LIN28B: variants seen among roughly 807,000 people sequenced by gnomAD.
LIN28B encodes the protein protein lin-28 homolog B.
Under a neutral mutation model 21.9 loss-of-function variants are expected in LIN28B, and 5 were observed. The observed-to-expected ratio is 0.23, with a 90% CI of 0.12 to 0.48. The LOEUF (loss-of-function observed/expected upper bound fraction) is 0.48. LIN28B is among the 20% of genes least tolerant of loss of function. The pLI, the probability that LIN28B is intolerant of heterozygous loss-of-function variation, is 0.98. For missense variants in LIN28B, 245 were observed against 310.5 expected, an observed-to-expected ratio of 0.79 and a Z score of 1.58; for synonymous variants, 109 against 111.3, an observed-to-expected ratio of 0.98 and a Z score of 0.13.
At chr6:104,966,336 G>T (rs907682905) in intron 2 of LIN28B, among the ~76,000 whole-genome samples, 3 of 152,056 alleles carry the variant, frequency 2.0e-5, no homozygotes, top group African/African-American at 7.2e-5. Flanking sequence ...GAGGGTTATG[G>T]TAAGGGTCAA....
chr6:105,051,534 ATT>A (rs916422055), intron 3 of LIN28B, among the ~76,000 whole-genome samples: 1 of 146,882 alleles, frequency 6.8e-6, no homozygotes, highest in African/African-American at 2.5e-5. Context: ...TTCTCCAGGG[ATT>A]TTTTTTTTTT....
chr6:105,020,640 T>A (rs902035935), intron 2 of LIN28B, among the ~76,000 whole-genome samples: 1 of 151,720 alleles, frequency 6.6e-6, no homozygotes, highest in African/African-American at 2.4e-5. Flanking sequence ...ATTTTTATAA[T>A]TCTTAAATAA....
At chr6:104,960,549 A>C (rs749551544) in intron 2 of LIN28B, among the ~76,000 whole-genome samples, 2 of 152,082 alleles carry the variant, frequency 1.3e-5, no homozygotes, top group Non-Finnish European at 2.9e-5. Context: ...TGTCTACTCA[A>C]AATTTTTAAA....
At chr6:104,997,990 C>T (rs1349023624) in intron 2 of LIN28B, among the ~76,000 whole-genome samples, 1 of 152,096 alleles carries the variant, frequency 6.6e-6, no homozygotes, top group Non-Finnish European at 1.5e-5. Flanking sequence ...ATTGGAAAAG[C>T]CTTATTGTTG....
At chr6:104,958,949 C>CA (rs202225528) in intron 2 of LIN28B, among the ~76,000 whole-genome samples, 3,573 of 152,154 alleles carry the variant, frequency 0.023, 59 homozygotes, top group Non-Finnish European at 0.033. Context: ...AGACTGAACT[C>CA]AAAAAAACAT....
intron 3 of LIN28B, among the ~76,000 whole-genome samples, chr6:105,029,291 A>G (rs559896438): frequency 1.3e-5 from 2 of 152,324 alleles, no homozygotes; most frequent in East Asian, 1.9e-4. Context: ...GTTCATAGGA[A>G]TGGTCTAGTG....
At chr6:104,993,989 C>G (rs1463690177) in intron 2 of LIN28B, among the ~76,000 whole-genome samples, 1 of 151,968 alleles carries the variant, frequency 6.6e-6, no homozygotes, top group Non-Finnish European at 1.5e-5. Context: ...TTAAACTATA[C>G]CAGTTCTTGA....
At chr6:104,979,645 T>TTTTATACAAATAGGGAAGAC (rs1770179892) in intron 2 of LIN28B, among the ~76,000 whole-genome samples, 1 of 152,202 alleles carries the variant, frequency 6.6e-6, no homozygotes, top group African/African-American at 2.4e-5. Context: ...GCTTAAGACT[T>TTTTATACAAATAGGGAAGAC]TTTATACAAA....
At chr6:104,991,884 G>A (rs931247938) in intron 2 of LIN28B, among the ~76,000 whole-genome samples, 6 of 152,234 alleles carry the variant, frequency 3.9e-5, no homozygotes, top group African/African-American at 7.2e-5. Context: ...GGCGGCGTGC[G>A]CCTGCAATCG....
chr6:104,937,717 C>T (rs1027889320), intron 2 of LIN28B, among the ~76,000 whole-genome samples: 2 of 152,042 alleles, frequency 1.3e-5, no homozygotes, highest in Admixed American at 1.3e-4. Flanking sequence ...AAATAGAGGG[C>T]AAGAGAAATA....
intron 2 of LIN28B, among the ~76,000 whole-genome samples, chr6:104,982,968 TTTTTC>T (rs1247289215): frequency 6.6e-6 from 1 of 152,046 alleles, no homozygotes; most frequent in Non-Finnish European, 1.5e-5. Context: ...CTGGCTAATT[TTTTTC>T]TTTTATTTTT....
intron 3 of LIN28B, among the ~76,000 whole-genome samples, chr6:105,070,838 G>C (rs1338232852): frequency 6.6e-6 from 1 of 152,000 alleles, no homozygotes; most frequent in Non-Finnish European, 1.5e-5. Flanking sequence ...CTCTTTATTT[G>C]TCAATTCACT....
intron 2 of LIN28B, among the ~76,000 whole-genome samples, chr6:105,009,690 T>G (rs1770884285): frequency 6.6e-6 from 1 of 152,310 alleles, no homozygotes; most frequent in Non-Finnish European, 1.5e-5. Flanking sequence ...TGGCTGAAAC[T>G]GCCTTGGAGG....
intron 2 of LIN28B, among the ~76,000 whole-genome samples, chr6:104,979,604 G>A (rs1277598778): frequency 2.0e-5 from 3 of 149,884 alleles, no homozygotes; most frequent in African/African-American, 4.9e-5. Flanking sequence ...AAAAAAAAAA[G>A]CTGTTTCTGA....
At chr6:104,942,989 C>T (rs1015414494) in intron 2 of LIN28B, among the ~76,000 whole-genome samples, 3 of 151,988 alleles carry the variant, frequency 2.0e-5, no homozygotes, top group African/African-American at 7.2e-5. Flanking sequence ...TATGTATGTT[C>T]TCTGCTAGAC....
In LIN28B at chr6:104,945,459, GTTA is replaced by G. The variant is rs1188375481; in HGVS notation, c.19-4996_19-4994del. On this transcript the variant is annotated intron_variant, in intron 2 of 5. Coordinates refer to the LIN28B transcript ENST00000635857. ...AAATGTATGTCAATAAAATTTCCTT[GTTA>G]TTATTGTAATTAAAAGAAGTGTTCA... 2.6e-5 allele frequency among the ~76,000 whole-genome samples: 4 copies of G among 152,004 alleles called. No individual in the cohort carries two copies. In the South Asian group the frequency reaches 8.3e-4, roughly 31 times the overall value.
At chr6:104,993,796 C>G (rs1770543052) in intron 2 of LIN28B, among the ~76,000 whole-genome samples, 1 of 147,110 alleles carries the variant, frequency 6.8e-6, no homozygotes, top group South Asian at 2.1e-4. Flanking sequence ...GATTGAGTCA[C>G]TGCACTTCCA....
At chr6:105,041,756 A>G (rs1222150644) in intron 3 of LIN28B, among the ~76,000 whole-genome samples, 2 of 152,158 alleles carry the variant, frequency 1.3e-5, no homozygotes, top group East Asian at 1.9e-4. Flanking sequence ...CTTGCTTAAA[A>G]TGCACACTCT....
rs1770120338 is a variant in LIN28B, at chr6:104,977,311, CT to C, written c.198+19029del. 4.6e-5 allele frequency among the ~76,000 whole-genome samples: 7 copies of C among 152,296 alleles called. No homozygotes were observed. In the South Asian group the frequency reaches 1.5e-3, roughly 32 times the overall value. On this transcript the variant is annotated intron_variant, in intron 2 of 3. Transcript: ENST00000345080. ...TCTCCCAAATTCCTTCCTACATTCA[CT>C]TTTGGAAATCATTGTCATCCTTCAG... is the stretch of plus-strand genomic sequence containing the variant.
Sources: allele counts gnomAD v4.1 joint callset (sites outside exome capture counted in the v4.1 genomes callset), GRCh38; gene constraint gnomAD v4.1.1; transcripts MANE v1.5; gene names NCBI Gene and HGNC (gene_info 2026-07-23, HGNC 2026-07-21).